PNPLA4: variants seen among roughly 807,000 people sequenced by gnomAD.
PNPLA4 encodes the protein patatin-like phospholipase domain-containing protein 4.
In PNPLA4, 15 loss-of-function variants were observed where a neutral mutation model predicts 18.3. The ratio of observed to expected loss-of-function variants is 0.82; its 90% CI spans 0.55 to 1.26. The LOEUF is 1.26. Among genes scored for constraint, PNPLA4 ranks in the 50% most tolerant of loss-of-function variants. PNPLA4 has a pLI of 0.00. For missense variants in PNPLA4, 229 were observed against 196.8 expected, an observed-to-expected ratio of 1.16 and a Z score of -0.98; for synonymous variants, 88 against 85.6, an observed-to-expected ratio of 1.03 and a Z score of -0.16.
intron 4 of PNPLA4, among the ~76,000 whole-genome samples, chrX:7,919,971 C>G (rs900056656): frequency 8.9e-6 from 1 of 111,900 alleles, no homozygotes; most frequent in African/African-American, 3.2e-5. Context: ...AGTGCCTACA[C>G]AATGGCTGGC....
intron 5 of PNPLA4, among the ~76,000 whole-genome samples, chrX:7,910,439 G>A (rs1389825856): frequency 9.1e-6 from 1 of 109,409 alleles, no homozygotes; most frequent in African/African-American, 3.3e-5. Flanking sequence ...AATGAAAGAT[G>A]GTTAAAGCAC....
At position 7,925,982 on chromosome X, in the gene PNPLA4, C is replaced by G. The variant is rs777127516; in HGVS notation, c.138G>C (p.Ser46=). The change falls in exon 2 of 7, where the codon TCG becomes TCC. Residue 46 remains serine (S), a synonymous_variant. Coordinates refer to ENST00000381042, the MANE Select transcript of PNPLA4 (RefSeq NM_004650.3). ...CTGTTAGCAGAACAGAAGCAACCAA[C>G]GATCCCGCAGACGCCCCAGCGAAGG... ...VKAFAGASAG[S]LVASVLLTAP... is the part of the protein sequence containing the mutation. 7.4e-6 allele frequency: 9 copies of G among 1,210,388 alleles called. No individual in the cohort carries two copies. The highest frequency in any genetic ancestry group is 8.9e-6 in the Non-Finnish European group (8 of 895,146).
chrX:7,919,732 A>T (rs1924153205), intron 4 of PNPLA4, among the ~76,000 whole-genome samples: 1 of 111,718 alleles, frequency 9.0e-6, no homozygotes, highest in Non-Finnish European at 1.9e-5. Flanking sequence ...GCCACATAAA[A>T]GGGATGGATA....
intron 4 of PNPLA4, among the ~76,000 whole-genome samples, chrX:7,914,195 ATTC>A (rs1923963730): frequency 8.9e-6 from 1 of 112,351 alleles, no homozygotes; most frequent in Non-Finnish European, 1.9e-5. Flanking sequence ...GCACTGTGAC[ATTC>A]TTCTCAAAAT....
At chrX:7,905,182 T>G (rs1923668947) in intron 5 of PNPLA4, among the ~76,000 whole-genome samples, 1 of 112,507 alleles carries the variant, frequency 8.9e-6, no homozygotes, top group Non-Finnish European at 1.9e-5. Flanking sequence ...ACTGTGATTG[T>G]TCTCTGAAAG....
intron 4 of PNPLA4, among the ~76,000 whole-genome samples, chrX:7,919,637 A>G (rs1284185290): frequency 8.9e-6 from 1 of 112,346 alleles, no homozygotes; most frequent in Non-Finnish European, 1.9e-5. Flanking sequence ...TCACATCTAC[A>G]GAATCCCTTT....
chrX:7,914,605 A>G (rs1238191353), intron 4 of PNPLA4, among the ~76,000 whole-genome samples: 2 of 112,574 alleles, frequency 1.8e-5, no homozygotes, highest in East Asian at 5.5e-4. Context: ...ATTTGTAGAT[A>G]GCGTACATAT....
At chrX:7,921,911 T>C in intron 3 of PNPLA4, 63 bp from the exon 4 acceptor site, 1 of 1,138,750 alleles carries the variant, frequency 8.8e-7, no homozygotes. Context: ...GTAAATATTT[T>C]ACAAGAGAGA....
At position 7,898,289 on chromosome X, in the gene PNPLA4, G is replaced by T. The variant is rs1465087927; in HGVS notation, c.*2397C>A. On this transcript the variant is annotated 3_prime_UTR_variant, in exon 7 of 7. Transcript: ENST00000381042. ...TTAATGACAGATTCAAATATATAAG[G>T]AAATTGCCCCCACAGGGAATTGGGA... 1.8e-5 allele frequency: 2 copies of T among 111,535 alleles called. No individual in the cohort carries two copies. Among genetic ancestry groups the T allele is most frequent in the African/African-American group, 6.5e-5 (2 of 30,665 alleles). The allele number at this position is 111,535 out of a possible 1,213,427, so 9.2% of individuals were successfully genotyped here.
At chrX:7,903,368 CAGCTCACTGCA>C (rs1415038716) in intron 5 of PNPLA4, among the ~76,000 whole-genome samples, 3 of 109,959 alleles carry the variant, frequency 2.7e-5, no homozygotes, top group Non-Finnish European at 5.7e-5. Context: ...GGTGTGATCT[CAGCTCACTGCA>C]AGCTCCGCCT....
chrX:7,919,409 T>C (rs759331455), intron 4 of PNPLA4, among the ~76,000 whole-genome samples: 1 of 112,096 alleles, frequency 8.9e-6, no homozygotes, highest in East Asian at 2.8e-4. Flanking sequence ...TCCAGTTCCA[T>C]AGGTTAAAGG....
intron 2 of PNPLA4, among the ~76,000 whole-genome samples, chrX:7,924,337 G>C (rs2146769531): frequency 8.9e-6 from 1 of 111,818 alleles, no homozygotes; most frequent in East Asian, 2.8e-4. Context: ...TCATCAGCGA[G>C]AACCGAGCGA....
chrX:7,905,678 C>T (rs372728813), intron 5 of PNPLA4, among the ~76,000 whole-genome samples: 17 of 112,438 alleles, frequency 1.5e-4, no homozygotes, highest in African/African-American at 4.2e-4. Context: ...ATTTAATATG[C>T]GAACCCTGTA....
intron 5 of PNPLA4, among the ~76,000 whole-genome samples, chrX:7,909,834 A>G (rs377283133): frequency 1.8e-5 from 2 of 111,436 alleles, no homozygotes; most frequent in Non-Finnish European, 3.8e-5. Flanking sequence ...ATTGCCCAAC[A>G]ATGAAATAAA....
chrX:7,906,881 G>C (rs1419806583), intron 5 of PNPLA4, among the ~76,000 whole-genome samples: 1 of 112,389 alleles, frequency 8.9e-6, no homozygotes, highest in African/African-American at 3.2e-5. Flanking sequence ...ATACAACAGT[G>C]CATTTTCACG....
intron 4 of PNPLA4, among the ~76,000 whole-genome samples, chrX:7,916,240 T>C (rs1026305144): frequency 2.7e-5 from 3 of 111,758 alleles, no homozygotes; most frequent in Non-Finnish European, 5.6e-5. Flanking sequence ...GGGGCTCACC[T>C]CCCTAGTTAG....
chrX:7,907,023 T>C (rs1354897329), intron 5 of PNPLA4, among the ~76,000 whole-genome samples: 1 of 111,367 alleles, frequency 9.0e-6, no homozygotes, highest in Non-Finnish European at 1.9e-5. Flanking sequence ...GCTTTTCTTT[T>C]CTTTTTTTTT....
rs1923426222 is a variant in PNPLA4 at position 7,899,039 on chromosome X, C to G, written c.*1647G>C. The G allele has an allele frequency of 9.0e-6, 1 of 111,728 alleles. No individual in the cohort carries two copies. The highest frequency in any genetic ancestry group is 1.9e-5 in the Non-Finnish European group (1 of 53,148). 9.2% of individuals were successfully genotyped at this position (111,728 alleles called of 1,213,427 possible). Reference sequence around the variant, plus strand: ...ATAAGTGGACATAACAATTGAGAATCTATCCACTTCATGTCACTTATGGAA... The same window carrying G: ...ATAAGTGGACATAACAATTGAGAATGTATCCACTTCATGTCACTTATGGAA... On this transcript the variant is annotated 3_prime_UTR_variant, in exon 7 of 7. Transcript: ENST00000381042.
intron 5 of PNPLA4, among the ~76,000 whole-genome samples, chrX:7,905,125 C>T (rs1448870209): frequency 8.9e-6 from 1 of 111,804 alleles, no homozygotes; most frequent in Non-Finnish European, 1.9e-5. Context: ...ATAGAAAAAC[C>T]AAAAACAAAA....
Sources: gnomAD v4.1 joint callset for allele counts (sites outside exome capture counted in the v4.1 genomes callset) on GRCh38, gnomAD v4.1.1 for gene constraint, MANE v1.5 for transcripts, NCBI Gene and HGNC (gene_info 2026-07-23, HGNC 2026-07-21) for gene names.